Variants in OAS3 observed in about 807,000 individuals in gnomAD.
OAS3 encodes the protein 2'-5'-oligoadenylate synthetase 3, also known as 2'-5'-oligoadenylate synthase 3.
Under a neutral mutation model 113.0 loss-of-function variants are expected in OAS3, and 107 were observed. That is an observed-to-expected ratio of 0.95 (90% confidence interval 0.81 to 1.11). The LOEUF is 1.11. Ranked by LOEUF, OAS3 falls within the 50% of genes most tolerant of loss-of-function variation. The pLI is 0.00. For missense variants in OAS3, 1,258 were observed against 1,389.1 expected (o/e 0.91, Z 1.50); for synonymous variants, 552 against 573.6 (o/e 0.96, Z 0.54).
At position 112,941,897 on chromosome 12, in the gene OAS3, T is replaced by C. The variant is rs1385761352; in HGVS notation, c.460+45T>C. 1.5e-5 allele frequency: 24 copies of C among 1,612,898 alleles called. No homozygotes were observed. In the Middle Eastern group the frequency reaches 6.6e-4, roughly 44 times the overall value. On this transcript the variant is annotated intron_variant, in intron 2 of 15. Coordinates refer to ENST00000228928, the MANE Select transcript of OAS3 (RefSeq NM_006187.4). ...TTCCAGGGTTGGGGGCAAAAGATCATTGGGAACAACACAGGACTTCCAATT... is the reference window on the plus strand; with the variant it reads ...TTCCAGGGTTGGGGGCAAAAGATCACTGGGAACAACACAGGACTTCCAATT...
At chr12:112,959,559 T>C (rs1213947604) in intron 7 of OAS3, among the ~76,000 whole-genome samples, 1 of 152,160 alleles carries the variant, frequency 6.6e-6, no homozygotes, top group African/African-American at 2.4e-5. Context: ...CAATTCTTCC[T>C]TTAGTTTTAG....
chr12:112,946,623 T>C, intron 3 of OAS3, 120 bp from the exon 4 acceptor site: 1 of 835,636 alleles, frequency 1.2e-6, no homozygotes, highest in Non-Finnish European at 1.9e-6. Flanking sequence ...TGGAACAGGC[T>C]TGGAACACAG....
At chr12:112,969,904 G>T in intron 15 of OAS3, 58 bp from the exon 16 acceptor site, 1 of 1,598,434 alleles carries the variant, frequency 6.3e-7, no homozygotes, top group Non-Finnish European at 8.5e-7. Flanking sequence ...CCGGCTGTGT[G>T]GTCTCAGCTT....
rs952134036 is a variant in OAS3, at chr12:112,972,831, A to G, written c.*2858A>G. Reference sequence around the variant, plus strand: ...CAGCCAGAAGGCAGAGAAAGTGAAGACCAAGTCCAGAACTGAATCCTAAGA... The same window carrying G: ...CAGCCAGAAGGCAGAGAAAGTGAAGGCCAAGTCCAGAACTGAATCCTAAGA... On this transcript the variant is annotated 3_prime_UTR_variant, in exon 16 of 16. Transcript: ENST00000228928. 6.6e-6 allele frequency: 1 copy of G among 152,098 alleles called. No individual in the cohort carries two copies. The highest frequency in any genetic ancestry group is 2.4e-5 in the African/African-American group (1 of 41,436). 9.4% of individuals were successfully genotyped at this position (152,098 alleles called of 1,614,324 possible).
At chr12:112,962,520 G>T in intron 8 of OAS3, 132 bp from the exon 9 acceptor site, 1 of 1,109,986 alleles carries the variant, frequency 9.0e-7, no homozygotes, top group East Asian at 2.4e-5. Context: ...CCTGTAAAAT[G>T]AGAAGCATCA....
intron 2 of OAS3, 49 bp downstream of exon 2, chr12:112,941,901 G>GAACA (rs1397053068): frequency 1.2e-6 from 2 of 1,610,656 alleles, no homozygotes; most frequent in African/African-American, 2.7e-5. Flanking sequence ...AGATCATTGG[G>GAACA]AACAACACAG....
At chr12:112,951,935 C>T (rs1179990940) in intron 7 of OAS3, among the ~76,000 whole-genome samples, 1 of 151,768 alleles carries the variant, frequency 6.6e-6, no homozygotes, top group Non-Finnish European at 1.5e-5. Flanking sequence ...TCTCTTGAAC[C>T]TGGGAGGCAG....
In OAS3 at chr12:112,938,577, C is replaced by A; in HGVS notation, c.47C>A (p.Ala16Asp). 6.2e-7 allele frequency: 1 copy of A among 1,610,364 alleles called. No homozygotes were observed. Residue 16 changes from alanine to aspartate, a missense_variant, in exon 1 of 16, where the codon GCC becomes GAC. Ala to Asp is a moderately radical substitution (Grantham distance 126, BLOSUM62 -2). Transcript: ENST00000228928. Reference sequence around the variant, plus strand: ...GCCGCTGCGCTGGACAGGTTCGTGGCCAGAAGGCTGCAGCCGCGGAAGGAG... The same window carrying A: ...GCCGCTGCGCTGGACAGGTTCGTGGACAGAAGGCTGCAGCCGCGGAAGGAG... Reference protein sequence around the residue: ...TPAAALDRFVARRLQPRKEFV... With the variant: ...TPAAALDRFVDRRLQPRKEFV...
Position 112,962,677 on chromosome 12 carries a change from G to A in OAS3, c.1859G>A (p.Gly620Glu). Reference protein sequence around the residue: ...RQVAAQNKGKGPAPASLPPAY... With the variant: ...RQVAAQNKGKEPAPASLPPAY... The stretch of plus-strand genomic sequence containing the variant: ...GTTGCGGCTCAGAACAAAGGAAAAG[G>A]ACCAGCCCCTGCCTCTCTGCCCCCA... Residue 620 changes from glycine (G) to glutamate (E), a missense_variant, in exon 9 of 16, where the codon GGA becomes GAA. Gly to Glu is a moderately conservative substitution (Grantham distance 98, BLOSUM62 -2). Coordinates refer to ENST00000228928, the MANE Select transcript of OAS3 (RefSeq NM_006187.4). 1 of 1,613,988 alleles carries A rather than the reference G, an allele frequency of 6.2e-7. No homozygotes were observed. The highest frequency in any genetic ancestry group is 8.5e-7 in the Non-Finnish European group (1 of 1,179,882).
chr12:112,939,630 A>C (rs537896239), intron 1 of OAS3, among the ~76,000 whole-genome samples: 3 of 151,962 alleles, frequency 2.0e-5, no homozygotes, highest in Non-Finnish European at 4.4e-5. Context: ...TAATTTTTGC[A>C]TTTTTTGTAG....
intron 11 of OAS3, 60 bp downstream of exon 11, chr12:112,964,468 C>G (rs905893756): frequency 2.6e-6 from 4 of 1,540,668 alleles, no homozygotes; most frequent in South Asian, 1.2e-5. Context: ...CTCTCCCAGC[C>G]CAGGGCCAGG....
At position 112,969,721 on chromosome 12, in the gene OAS3, G is replaced by A. The variant is rs370242461; in HGVS notation, c.3218G>A (p.Arg1073Gln). ...ACTSALCCMG[R>Q]NGIPIQPWPV... Reference sequence around the variant, plus strand: ...ACATCTGCCCTGTGCTGCATGGGACGGAATGGCATCCCCATCCAGCCATGG... The same window carrying A: ...ACATCTGCCCTGTGCTGCATGGGACAGAATGGCATCCCCATCCAGCCATGG... The change falls in exon 15 of 16, where the codon CGG becomes CAG. Residue 1073 changes from arginine to glutamine, a missense_variant. Arg to Gln is a conservative substitution (Grantham distance 43). Transcript: ENST00000228928. The A allele has an allele frequency of 1.1e-4, 174 of 1,613,402 alleles. No individual in the cohort carries two copies. The highest frequency in any genetic ancestry group is 1.4e-4 in the Non-Finnish European group (160 of 1,179,702).
Position 112,949,036 on chromosome 12 carries a change from C to G in OAS3, c.1205C>G (p.Pro402Arg). The G allele has an allele frequency of 1.1e-5, 17 of 1,614,032 alleles. No individual in the cohort carries two copies. The highest frequency in any genetic ancestry group is 1.4e-5 in the Non-Finnish European group (17 of 1,179,900). The change falls in exon 6 of 16, where the codon CCG (proline) becomes CGG (arginine). Residue 402 changes from proline (P) to arginine (R), a missense_variant. Pro to Arg is a moderately radical substitution (Grantham distance 103). Coordinates refer to ENST00000228928, the MANE Select transcript of OAS3 (RefSeq NM_006187.4). ...GCAGCCAGCATCGTCCCCTCTGTGC[C>G]GGGAATGGCCTTGGACCTGTCTCAG... ...TGAASIVPSV[P>R]GMALDLSQIP...
intron 14 of OAS3, 136 bp downstream of exon 14, chr12:112,968,310 C>T: frequency 8.3e-7 from 1 of 1,210,590 alleles, no homozygotes; most frequent in Non-Finnish European, 1.1e-6. Flanking sequence ...ATTTGTAGTA[C>T]CTGAGGGACA....
chr12:112,942,224 C>A (rs1029624359), intron 2 of OAS3: 27 of 467,308 alleles, frequency 5.8e-5, no homozygotes, highest in Non-Finnish European at 9.8e-5. Context: ...TCTGCAAAAT[C>A]TTGTATTTTA....
rs1267928779 is a variant in OAS3, at chr12:112,971,176, C to G, written c.*1203C>G. ...AGGCTGGAGGAGCAGAAGGCAGAGG[C>G]CACCACTGGACTATTGGTTTCAATA... is the stretch of plus-strand genomic sequence containing the variant. On this transcript the variant is annotated 3_prime_UTR_variant, in exon 16 of 16. Coordinates refer to ENST00000228928, the MANE Select transcript of OAS3 (RefSeq NM_006187.4). 1.3e-5 allele frequency: 2 copies of G among 152,460 alleles called. No homozygotes were observed. The highest frequency in any genetic ancestry group is 2.9e-5 in the Non-Finnish European group (2 of 68,126). 9.4% of individuals were successfully genotyped at this position (152,460 alleles called of 1,614,324 possible).
At position 112,948,005 on chromosome 12, in the gene OAS3, A is replaced by T. The variant is rs1335276847; in HGVS notation, c.935A>T (p.His312Leu). 3 of 1,603,282 alleles carry T rather than the reference A, an allele frequency of 1.9e-6. No individual in the cohort carries two copies. Among genetic ancestry groups the T allele is most frequent in the Non-Finnish European group, 2.6e-6 (3 of 1,174,970 alleles). ...GACCTGGGGAATGGGGCAGCCTGGC[A>T]CTGGGATTTGCTAGCCCAGGAGGCA... ...TWDLGNGAAW[H>L]WDLLAQEAAS... Residue 312 changes from histidine (H) to leucine (L), a missense_variant, in exon 5 of 16, where the codon CAC becomes CTC. Physicochemically the swap from His to Leu is moderately conservative, Grantham distance 99. Transcript: ENST00000228928.
intron 3 of OAS3, 105 bp from the exon 4 acceptor site, chr12:112,946,638 T>C (rs1462161027): frequency 2.1e-6 from 2 of 945,140 alleles, no homozygotes; most frequent in African/African-American, 3.3e-5. Context: ...ACACAGCATC[T>C]TGCCTCAGGC....
Position 112,949,116 on chromosome 12 carries a change from C to T in OAS3, c.1285C>T (p.Gln429Ter), listed in dbSNP as rs749179411. Residue 429 changes from glutamine (Q) to a stop codon, truncating the protein, a stop_gained, in exon 6 of 16, where the codon CAG (glutamine) becomes TAG (stop). Coordinates refer to ENST00000228928, the MANE Select transcript of OAS3 (RefSeq NM_006187.4). LOFTEE classifies it high-confidence loss of function. ...CCAGGACCACCTGAAGCCGAGCCCC[C>T]AGTTCCAGGAGCAGGTGAAAAAGGC... is the stretch of plus-strand genomic sequence containing the variant. ...FIQDHLKPSPQFQEQVKKAID... is the reference protein window; with the variant it reads ...FIQDHLKPSP The T allele has an allele frequency of 4.3e-6, 7 of 1,613,908 alleles. No individual in the cohort carries two copies. In the African/African-American group the frequency reaches 5.3e-5, roughly 12 times the overall value.
Sources: allele counts gnomAD v4.1 joint callset (sites outside exome capture counted in the v4.1 genomes callset), GRCh38; gene constraint gnomAD v4.1.1; transcripts MANE v1.5; gene names NCBI Gene and HGNC (gene_info 2026-07-23, HGNC 2026-07-21).